Variants in ENOX2 observed in about 807,000 individuals in gnomAD.
ENOX2 encodes the protein ecto-NOX disulfide-thiol exchanger 2.
Under a neutral mutation model 45.0 loss-of-function variants are expected in ENOX2, and 36 were observed. That is an observed-to-expected ratio of 0.80 (90% CI 0.61 to 1.06). ENOX2 has a LOEUF of 1.06. Ranked by LOEUF, ENOX2 falls within the 50% of genes least tolerant of loss-of-function variation. ENOX2 has a pLI of 0.00. For missense variants in ENOX2, 423 were observed against 462.5 expected, an observed-to-expected ratio of 0.91 and a Z score of 0.78; for synonymous variants, 174 against 152.3, an observed-to-expected ratio of 1.14 and a Z score of -1.05.
intron 2 of ENOX2, among the ~76,000 whole-genome samples, chrX:130,881,280 G>C (rs1404875625): frequency 8.9e-6 from 1 of 112,425 alleles, no homozygotes; most frequent in African/African-American, 3.2e-5. Flanking sequence ...TTAGATATCA[G>C]GAAACTAAGA....
At chrX:130,744,641 G>A (rs1843936164) in intron 3 of ENOX2, among the ~76,000 whole-genome samples, 1 of 111,985 alleles carries the variant, frequency 8.9e-6, no homozygotes, top group African/African-American at 3.2e-5. Context: ...TGTAGAAAAT[G>A]TAAATTTCAA....
chrX:130,679,812 T>C, intron 5 of ENOX2, 64 bp from the exon 6 acceptor site: 2 of 895,035 alleles, frequency 2.2e-6, no homozygotes, highest in Non-Finnish European at 3.2e-6. Flanking sequence ...CTCTTCGAAA[T>C]CTAACATTTC....
chrX:130,876,208 T>C (rs1263303292), intron 2 of ENOX2, among the ~76,000 whole-genome samples: 1 of 111,955 alleles, frequency 8.9e-6, no homozygotes. Context: ...ATAACCCAAA[T>C]GATGACTAGA....
chrX:130,627,888 GGA>G, intron 14 of ENOX2, 68 bp downstream of exon 14: 5 of 703,144 alleles, frequency 7.1e-6, no homozygotes, highest in Non-Finnish European at 1.2e-5. Flanking sequence ...TTATGCTTGA[GGA>G]GAGTCAGGTC....
chrX:130,863,161 T>C (rs766850458), intron 2 of ENOX2, among the ~76,000 whole-genome samples: 4 of 112,314 alleles, frequency 3.6e-5, no homozygotes, highest in East Asian at 2.8e-4. Context: ...TTATGCATGT[T>C]TTCTCATTCT....
chrX:130,758,903 T>C (rs1223293337), intron 3 of ENOX2, among the ~76,000 whole-genome samples: 3 of 112,013 alleles, frequency 2.7e-5, no homozygotes, highest in Non-Finnish European at 5.6e-5. Flanking sequence ...AATTTTCTAA[T>C]TGAATTATTT....
At chrX:130,818,802 G>C (rs1172774181) in intron 2 of ENOX2, among the ~76,000 whole-genome samples, 1 of 111,727 alleles carries the variant, frequency 9.0e-6, no homozygotes, top group Non-Finnish European at 1.9e-5. Flanking sequence ...AACCCTAGAA[G>C]AAAACCTAGG....
chrX:130,763,047 T>C (rs989558783), intron 3 of ENOX2, among the ~76,000 whole-genome samples: 1 of 112,523 alleles, frequency 8.9e-6, no homozygotes, highest in Non-Finnish European at 1.9e-5. Context: ...TCTTGGTGAA[T>C]TGATACTTTT....
chrX:130,742,245 C>CTTTTTTT (rs67776619), intron 3 of ENOX2, among the ~76,000 whole-genome samples: 17 of 60,142 alleles, frequency 2.8e-4, no homozygotes, highest in African/African-American at 6.3e-4. Context: ...AGATAATTTC[C>CTTTTTTT]TTTTTTTTTT....
chrX:130,816,776 G>A (rs1331809845), intron 2 of ENOX2, among the ~76,000 whole-genome samples: 2 of 111,870 alleles, frequency 1.8e-5, no homozygotes, highest in African/African-American at 6.5e-5. Context: ...TGTTTAGAGA[G>A]AAATTTAGAC....
intron 3 of ENOX2, among the ~76,000 whole-genome samples, chrX:130,767,547 G>T (rs1237629059): frequency 8.9e-6 from 1 of 112,132 alleles, no homozygotes; most frequent in Non-Finnish European, 1.9e-5. Context: ...AGTACTGATA[G>T]AAGAGATACA....
chrX:130,674,865 G>A (rs1167586475), intron 6 of ENOX2, among the ~76,000 whole-genome samples: 7 of 95,277 alleles, frequency 7.3e-5, no homozygotes, highest in East Asian at 3.3e-4. Flanking sequence ...GAGAACATGC[G>A]GTGTTTGGTT....
At chrX:130,843,833 T>C (rs754878393) in intron 2 of ENOX2, among the ~76,000 whole-genome samples, 2 of 112,190 alleles carry the variant, frequency 1.8e-5, no homozygotes, top group South Asian at 7.4e-4. Context: ...CCTACATGTG[T>C]AATCACATAT....
At chrX:130,800,376 T>C (rs187946944) in intron 2 of ENOX2, among the ~76,000 whole-genome samples, 24 of 110,432 alleles carry the variant, frequency 2.2e-4, no homozygotes, top group Admixed American at 5.8e-4. Flanking sequence ...GCGTGCATTA[T>C]GCAACAATCA....
intron 2 of ENOX2, among the ~76,000 whole-genome samples, chrX:130,869,467 C>T (rs1270590900): frequency 9.0e-6 from 1 of 111,587 alleles, no homozygotes; most frequent in African/African-American, 3.3e-5. Flanking sequence ...ACACCAAACT[C>T]CAGCTACCAA....
At chrX:130,746,074 A>G (rs1240870071) in intron 3 of ENOX2, among the ~76,000 whole-genome samples, 1 of 112,204 alleles carries the variant, frequency 8.9e-6, no homozygotes, top group Non-Finnish European at 1.9e-5. Flanking sequence ...AATCAAAGAG[A>G]GCATACGTTC....
rs779882604 is a variant in ENOX2, at chrX:130,635,016, C to T, written c.1387G>A (p.Val463Met). ...LEKLKDDKLQVEKMLENLKEK... is the reference protein window; with the variant it reads ...LEKLKDDKLQMEKMLENLKEK... ...TTAAGATTTTCCAACATTTTTTCCA[C>T]CTGTAACTTGTCATCTTTGAGTTTT... The change falls in exon 12 of 15, where the codon GTG (valine) becomes ATG (methionine). Residue 463 changes from valine to methionine, a missense_variant. Around this residue, in one of 5 missense-constraint regions of ENOX2, gnomAD observed 108 missense variants for 70.6 expected, o/e 1.53. Transcript: ENST00000394363. 1 of 1,191,423 alleles carries T rather than the reference C, an allele frequency of 8.4e-7. No homozygotes were observed. Among genetic ancestry groups the T allele is most frequent in the South Asian group, 1.8e-5 (1 of 55,653 alleles).
intron 4 of ENOX2, among the ~76,000 whole-genome samples, chrX:130,692,988 TG>T (rs1303028670): frequency 9.0e-6 from 1 of 111,629 alleles, no homozygotes; most frequent in Non-Finnish European, 1.9e-5. Flanking sequence ...TCCTCAGACT[TG>T]CAACTCTACC....
chrX:130,844,276 G>A (rs1402234124), intron 2 of ENOX2, among the ~76,000 whole-genome samples: 2 of 111,528 alleles, frequency 1.8e-5, no homozygotes, highest in Non-Finnish European at 3.8e-5. Flanking sequence ...CCCTCCACCC[G>A]CTTCCCTACT....
Sources: gnomAD v4.1 joint callset for allele counts (sites outside exome capture counted in the v4.1 genomes callset) on GRCh38, gnomAD v4.1.1 for gene constraint, gnomAD v4.1.1 regional missense constraint, MANE v1.5 for transcripts, NCBI Gene and HGNC (gene_info 2026-07-23, HGNC 2026-07-21) for gene names.